TXNDC2: variants seen among roughly 807,000 people sequenced by gnomAD.
The protein encoded by TXNDC2 is thioredoxin domain containing 2.
In TXNDC2, 1 loss-of-function variant was observed where a neutral mutation model predicts 0.4. The ratio of observed to expected loss-of-function variants is 2.30; its 90% CI spans 0.82 to 10.89. The LOEUF (loss-of-function observed/expected upper bound fraction) is 10.89. Ranked by LOEUF, TXNDC2 falls within the 30% of genes most tolerant of loss-of-function variation. TXNDC2 has a pLI of 0.12. For synonymous variants in TXNDC2, 183 were observed against 224.6 expected, an observed-to-expected ratio of 0.81 and a Z score of 1.66; for missense variants, 509 against 579.8, an observed-to-expected ratio of 0.88 and a Z score of 1.25.
rs376062036 is a variant in TXNDC2 at position 9,887,339 on chromosome 18, C to A, written c.659C>A (p.Ser220Tyr). The A allele has an allele frequency of 8.8e-6, 14 of 1,589,290 alleles. No individual in the cohort carries two copies. The African/African-American group carries it at 1.5e-4, about 17-fold the overall frequency. Reference sequence around the variant, plus strand: ...CCCAAGGAGGGTGACATCTCCAAGTCCCCAGAAGAAGCCATCCAGCCCAAG... The same window carrying A: ...CCCAAGGAGGGTGACATCTCCAAGTACCCAGAAGAAGCCATCCAGCCCAAG... ...SQPKEGDISK[S>Y]PEEAIQPKEG... The change falls in exon 2 of 2, where the codon TCC (serine) becomes TAC (tyrosine). Residue 220 changes from serine (S) to tyrosine (Y), a missense_variant. Physicochemically the swap from Ser to Tyr is moderately radical, Grantham distance 144. Around this residue, in one of 5 missense-constraint regions of TXNDC2, gnomAD observed 65 missense variants for 46.0 expected, o/e 1.41. Transcript: ENST00000357775.
Position 9,886,691 on chromosome 18 carries a change from A to G in TXNDC2, c.11A>G (p.His4Arg), listed in dbSNP as rs1413287294. MVS[H>R]TFHMRTEESD... The stretch of plus-strand genomic sequence containing the variant: ...AAGGCCTTTCTCCCCATGGTCAGCC[A>G]CACGTTCCACATGCGCACAGAGGAG... Residue 4 changes from histidine to arginine, a missense_variant, in exon 2 of 2, where the codon CAC becomes CGC. His to Arg is a conservative substitution (Grantham distance 29, BLOSUM62 0). Around this residue, in one of 5 missense-constraint regions of TXNDC2, gnomAD observed 187 missense variants for 218.0 expected, o/e 0.86. Transcript: ENST00000357775. The G allele has an allele frequency of 2.5e-6, 4 of 1,614,156 alleles. No homozygotes were observed. Among genetic ancestry groups the G allele is most frequent in the Non-Finnish European group, 2.5e-6 (3 of 1,180,024 alleles).
rs750926186 is a variant in TXNDC2 at position 9,887,859 on chromosome 18, G to C, written c.1179G>C (p.Glu393Asp). 2.6e-5 allele frequency: 42 copies of C among 1,610,692 alleles called. No homozygotes were observed. The East Asian group carries it at 8.7e-4, about 33-fold the overall frequency. Residue 393 changes from glutamate to aspartate, a missense_variant, in exon 2 of 2, where the codon GAG becomes GAC. Glu to Asp is a conservative substitution (Grantham distance 45, BLOSUM62 2). Coordinates refer to ENST00000357775, the MANE Select transcript of TXNDC2 (RefSeq NM_032243.6). ...VKVILSKEDF[E>D]ASLKEAGERL... ...TGATCCTGAGCAAGGAGGACTTTGA[G>C]GCATCACTGAAGGAGGCCGGGGAGA...
chr18:9,886,388 A>G, intron 1 of TXNDC2: 1 of 1,089,742 alleles, frequency 9.2e-7, no homozygotes. Context: ...ACATGTATAC[A>G]GAAGATACGT....
rs1382169352 is a variant in TXNDC2 at position 9,887,774 on chromosome 18, G to A, written c.1094G>A (p.Gly365Asp). The A allele has an allele frequency of 6.2e-7, 1 of 1,613,740 alleles. No individual in the cohort carries two copies. The highest frequency in any genetic ancestry group is 8.5e-7 in the Non-Finnish European group (1 of 1,179,812). ...GAAGAAGCCACCCCATCCAAGGAGG[G>A]TGACATCCTAAAGCCTGAAGAAGAA... ...SLEEATPSKEGDILKPEEETM... is the reference protein window; with the variant it reads ...SLEEATPSKEDDILKPEEETM... Residue 365 changes from glycine (G) to aspartate (D), a missense_variant, in exon 2 of 2, where the codon GGT (glycine) becomes GAT (aspartate). Transcript: ENST00000357775.
In TXNDC2 at chr18:9,887,278, G is replaced by A; in HGVS notation, c.598G>A (p.Gly200Ser). ...AGCAAAGCCCATCCAGCCCAAGCTGGGCAATATTCCCAAGGCCTCAGTGAA... is the reference window on the plus strand; with the variant it reads ...AGCAAAGCCCATCCAGCCCAAGCTGAGCAATATTCCCAAGGCCTCAGTGAA... ...SSAKPIQPKL[G>S]NIPKASVKPS... The change falls in exon 2 of 2, where the codon GGC (glycine) becomes AGC (serine). Residue 200 changes from glycine (G) to serine (S), a missense_variant. This residue lies in a region of TXNDC2 where 13 missense variants were observed against 31.6 expected (regional missense o/e 0.41). Transcript: ENST00000357775. The A allele has an allele frequency of 6.3e-7, 1 of 1,598,118 alleles. No individual in the cohort carries two copies. Among genetic ancestry groups the A allele is most frequent in the East Asian group, 2.3e-5 (1 of 43,630 alleles).
rs1268023113 is a variant in TXNDC2, at chr18:9,887,628, G to T, written c.948G>T (p.Gln316His). 6.2e-7 allele frequency: 1 copy of T among 1,607,448 alleles called. No homozygotes were observed. The highest frequency in any genetic ancestry group is 1.3e-5 in the African/African-American group (1 of 74,248). Residue 316 changes from glutamine to histidine, a missense_variant, in exon 2 of 2, where the codon CAG becomes CAT. Coordinates refer to ENST00000357775, the MANE Select transcript of TXNDC2 (RefSeq NM_032243.6). ...DIPKSPKQAI[Q>H]PKEGDIPKSL... ...CCAAGTCTCCAAAACAAGCCATCCA[G>T]CCCAAGGAGGGTGACATTCCCAAGT...
In TXNDC2 at chr18:9,886,648, A is replaced by C. The variant is rs1249055725; in HGVS notation, c.-33A>C. On this transcript the variant is annotated 5_prime_UTR_variant, in exon 2 of 2. Coordinates refer to ENST00000357775, the MANE Select transcript of TXNDC2 (RefSeq NM_032243.6). Reference sequence around the variant, plus strand: ...TCTCCTGGCCCTAGAGTTCTTGGAAATAGCCCAGGCCAAAGAGAAGGCCTT... The same window carrying C: ...TCTCCTGGCCCTAGAGTTCTTGGAACTAGCCCAGGCCAAAGAGAAGGCCTT... 6.2e-7 allele frequency: 1 copy of C among 1,614,008 alleles called. No homozygotes were observed. The highest frequency in any genetic ancestry group is 1.7e-5 in the Admixed American group (1 of 59,988).
At position 9,888,030 on chromosome 18, in the gene TXNDC2, C is replaced by A. The variant is rs11664080; in HGVS notation, c.1350C>A (p.Cys450Ter). ...ADNCEEVVRE[C>*]AIMCVPTFQF... Reference sequence around the variant, plus strand: ...ACTGTGAGGAGGTGGTGAGAGAGTGCGCCATCATGTGTGTCCCAACCTTTC... The same window carrying A: ...ACTGTGAGGAGGTGGTGAGAGAGTGAGCCATCATGTGTGTCCCAACCTTTC... The change falls in exon 2 of 2, where the codon TGC becomes TGA. Residue 450 changes from cysteine to a stop codon, truncating the protein, a stop_gained. Transcript: ENST00000357775. LOFTEE classifies it high-confidence loss of function. 2 of 1,614,020 alleles carry A rather than the reference C, an allele frequency of 1.2e-6. No individual in the cohort carries two copies. Among genetic ancestry groups the A allele is most frequent in the South Asian group, 1.1e-5 (1 of 91,068 alleles).
intron 1 of TXNDC2, chr18:9,886,314 A>T: frequency 1.3e-6 from 2 of 1,593,188 alleles, no homozygotes; most frequent in Non-Finnish European, 1.7e-6. Flanking sequence ...GGTTGCCTTA[A>T]AGACCTATGC....
Position 9,887,487 on chromosome 18 carries a change from C to T in TXNDC2, c.807C>T (p.Ala269=), listed in dbSNP as rs373083561. The change falls in exon 2 of 2, where the codon GCC becomes GCT. Residue 269 remains alanine, a synonymous_variant. Transcript: ENST00000357775. ...ACATCCCCAAGTCCCTAGAGGAAGC[C>T]ATCCAGCCTAAGGAGGGTGACATCC... is the stretch of plus-strand genomic sequence containing the variant. ...EGDIPKSLEE[A]IQPKEGDIPK... is the part of the protein sequence containing the mutation. 3 of 1,526,568 alleles carry T rather than the reference C, an allele frequency of 2.0e-6. No homozygotes were observed. Among genetic ancestry groups the T allele is most frequent in the Non-Finnish European group, 1.8e-6 (2 of 1,127,766 alleles). The allele number at this position is 1,526,568 out of a possible 1,614,324, so 94.6% of individuals were successfully genotyped here. A position where few individuals can be genotyped will look rare whatever the true frequency, so the allele number is the denominator to read the frequency against.
In TXNDC2 at chr18:9,886,613, G is replaced by C; in HGVS notation, c.-68G>C. 6.2e-7 allele frequency: 1 copy of C among 1,612,944 alleles called. No individual in the cohort carries two copies. Among genetic ancestry groups the C allele is most frequent in the African/African-American group, 1.3e-5 (1 of 74,908 alleles). Reference sequence around the variant, plus strand: ...GAAAGCTCATTACTAGTCCTGTCCAGCAACGTGCCTCTCCTGGCCCTAGAG... The same window carrying C: ...GAAAGCTCATTACTAGTCCTGTCCACCAACGTGCCTCTCCTGGCCCTAGAG... On this transcript the variant is annotated 5_prime_UTR_variant, in exon 2 of 2. Transcript: ENST00000357775.
At chr18:9,886,316 G>T in intron 1 of TXNDC2, 1 of 1,587,766 alleles carries the variant, frequency 6.3e-7, no homozygotes, top group Non-Finnish European at 8.6e-7. Context: ...TTGCCTTAAA[G>T]ACCTATGCAG....
In TXNDC2 at chr18:9,888,085, G is replaced by T. The variant is rs754992330; in HGVS notation, c.1405G>T (p.Glu469Ter). The T allele has an allele frequency of 1.9e-6, 3 of 1,614,096 alleles. No homozygotes were observed. The highest frequency in any genetic ancestry group is 2.5e-6 in the Non-Finnish European group (3 of 1,179,976). The stretch of plus-strand genomic sequence containing the variant: ...TTATAAAAAAGAAGAAAAGGTGGAT[G>T]AACTTTGCGGCGCCCTTAAGGAAAA... ...QFYKKEEKVD[E>*]LCGALKEKLE... Residue 469 changes from glutamate (E) to a stop codon, truncating the protein, a stop_gained, in exon 2 of 2, where the codon GAA becomes TAA. Coordinates refer to ENST00000357775, the MANE Select transcript of TXNDC2 (RefSeq NM_032243.6). LOFTEE classifies it high-confidence loss of function.
rs762902619 is a variant in TXNDC2 at position 9,888,447 on chromosome 18, G to A, written c.*306G>A. The A allele has an allele frequency of 1.3e-4, 33 of 261,196 alleles. No individual in the cohort carries two copies. Among genetic ancestry groups the A allele is most frequent in the Non-Finnish European group, 1.9e-4 (26 of 138,896 alleles). 16.2% of individuals were successfully genotyped at this position (261,196 alleles called of 1,614,324 possible). A position where few individuals can be genotyped will look rare whatever the true frequency, so the allele number is the denominator to read the frequency against. On this transcript the variant is annotated 3_prime_UTR_variant, in exon 2 of 2. Coordinates refer to ENST00000357775, the MANE Select transcript of TXNDC2 (RefSeq NM_032243.6). ...TTTCACTTGTCTTTGAAAATTTCACGCATTTAGTGTTTGCAGCAAGACTGA... is the reference window on the plus strand; with the variant it reads ...TTTCACTTGTCTTTGAAAATTTCACACATTTAGTGTTTGCAGCAAGACTGA...
At position 9,887,885 on chromosome 18, in the gene TXNDC2, G is replaced by T; in HGVS notation, c.1205G>T (p.Arg402Met). The T allele has an allele frequency of 6.2e-7, 1 of 1,612,538 alleles. No individual in the cohort carries two copies. The highest frequency in any genetic ancestry group is 8.5e-7 in the Non-Finnish European group (1 of 1,178,822). The change falls in exon 2 of 2, where the codon AGG becomes ATG. Residue 402 changes from arginine to methionine, a missense_variant. Arg to Met is a moderately conservative substitution (Grantham distance 91). This residue lies in a region of TXNDC2 where 229 missense variants were observed against 243.8 expected (regional missense o/e 0.94). Transcript: ENST00000357775. The part of the protein sequence containing the change: ...FEASLKEAGE[R>M]LVAVDFSATW... ...GCATCACTGAAGGAGGCCGGGGAGA[G>T]GCTGGTGGCTGTGGACTTCTCGGCC...
Position 9,886,638 on chromosome 18 carries a change from G to A in TXNDC2, c.-43G>A, listed in dbSNP as rs2068951645. On this transcript the variant is annotated 5_prime_UTR_variant, in exon 2 of 2. Transcript: ENST00000357775. Reference sequence around the variant, plus strand: ...GCAACGTGCCTCTCCTGGCCCTAGAGTTCTTGGAAATAGCCCAGGCCAAAG... The same window carrying A: ...GCAACGTGCCTCTCCTGGCCCTAGAATTCTTGGAAATAGCCCAGGCCAAAG... The A allele has an allele frequency of 6.2e-7, 1 of 1,613,906 alleles. No homozygotes were observed. The highest frequency in any genetic ancestry group is 8.5e-7 in the Non-Finnish European group (1 of 1,179,998).
Position 9,887,144 on chromosome 18 carries a change from G to A in TXNDC2, c.464G>A (p.Gly155Asp), listed in dbSNP as rs762960379. The A allele has an allele frequency of 1.9e-6, 3 of 1,583,866 alleles. No homozygotes were observed. Among genetic ancestry groups the A allele is most frequent in the Non-Finnish European group, 2.6e-6 (3 of 1,159,250 alleles). The change falls in exon 2 of 2, where the codon GGC becomes GAC. Residue 155 changes from glycine to aspartate, a missense_variant. By Grantham distance (94) the Gly-to-Asp change is moderately conservative. This residue lies in a region of TXNDC2 where 187 missense variants were observed against 218.0 expected (regional missense o/e 0.86). Transcript: ENST00000357775. ...GCAAAACCCATCCAGCCCAAGCTGG[G>A]CAATATTGCCAAGACCTCAGTGAAG... is the stretch of plus-strand genomic sequence containing the variant. ...SSAKPIQPKL[G>D]NIAKTSVKPS...
rs551245389 is a variant in TXNDC2 at position 9,886,978 on chromosome 18, G to C, written c.298G>C (p.Ala100Pro). 5.2e-6 allele frequency: 8 copies of C among 1,551,982 alleles called. No individual in the cohort carries two copies. Among genetic ancestry groups the C allele is most frequent in the Non-Finnish European group, 6.9e-6 (8 of 1,154,256 alleles). The change falls in exon 2 of 2, where the codon GCC becomes CCC. Residue 100 changes from alanine to proline, a missense_variant. By Grantham distance (27) the Ala-to-Pro change is conservative. Around this residue, in one of 5 missense-constraint regions of TXNDC2, gnomAD observed 187 missense variants for 218.0 expected, o/e 0.86. Coordinates refer to ENST00000357775, the MANE Select transcript of TXNDC2 (RefSeq NM_032243.6). The part of the protein sequence containing the change: ...IQPKLGNIPK[A>P]SVKPSQPKEG... ...GCCCAAGCTGGGCAATATTCCCAAG[G>C]CCTCAGTGAAGCCCAGCCAGCCCAA...
intron 1 of TXNDC2, 108 bp downstream of exon 1, chr18:9,886,188 A>T: frequency 6.2e-7 from 1 of 1,614,114 alleles, no homozygotes; most frequent in South Asian, 1.1e-5. Context: ...GATGTAGACA[A>T]GGAACTAGGA....
Sources: gnomAD v4.1 joint callset for allele counts on GRCh38, gnomAD v4.1.1 for gene constraint, gnomAD v4.1.1 regional missense constraint, MANE v1.5 for transcripts, NCBI Gene and HGNC (gene_info 2026-07-23, HGNC 2026-07-21) for gene names.